The following TBC1D4 variants were observed in gnomAD, a reference collection of about 807,000 sequenced individuals.
TBC1D4 encodes the protein TBC (Tre-2, BUB2, CDC16) domain-containing protein.
A neutral mutation model predicts 142.5 loss-of-function variants in TBC1D4; 121 were observed. That is an observed-to-expected ratio of 0.85 (90% CI 0.73 to 0.99). The LOEUF is 0.99. Ranked by LOEUF, TBC1D4 falls within the 50% of genes least tolerant of loss-of-function variation. The pLI, the probability that TBC1D4 is intolerant of heterozygous loss-of-function variation, is 0.00. For missense variants in TBC1D4, 1,475 were observed against 1,606.6 expected (o/e 0.92, Z 1.40); for synonymous variants, 630 against 628.2 (o/e 1.00, Z -0.04).
intron 7 of TBC1D4, among the ~76,000 whole-genome samples, chr13:75,339,695 C>A (rs1880521210): frequency 6.6e-6 from 1 of 152,100 alleles, no homozygotes; most frequent in African/African-American, 2.4e-5. Flanking sequence ...CCTGCCTCAG[C>A]TTCCTGAGTA....
intron 1 of TBC1D4, among the ~76,000 whole-genome samples, chr13:75,407,951 T>C (rs1263549093): frequency 6.6e-6 from 1 of 152,130 alleles, no homozygotes; most frequent in Admixed American, 6.5e-5. Flanking sequence ...AGCTACCATA[T>C]TTTTAACAGC....
At chr13:75,377,258 T>G (rs1287868410) in intron 1 of TBC1D4, 1 of 152,232 alleles carries the variant, frequency 6.6e-6, no homozygotes, top group African/African-American at 2.4e-5. Flanking sequence ...GAAACATACC[T>G]TTTTATGAAA....
intron 17 of TBC1D4, among the ~76,000 whole-genome samples, chr13:75,297,312 T>A (rs1231879954): frequency 3.3e-5 from 5 of 152,226 alleles, no homozygotes; most frequent in African/African-American, 1.2e-4. Flanking sequence ...CTGATAGCTA[T>A]TATCCTTTTA....
intron 1 of TBC1D4, among the ~76,000 whole-genome samples, chr13:75,382,008 T>G (rs184763988): frequency 6.6e-6 from 1 of 152,282 alleles, no homozygotes; most frequent in East Asian, 1.9e-4. Flanking sequence ...GGAAACCCAT[T>G]GAGGGAGGCT....
intron 18 of TBC1D4, among the ~76,000 whole-genome samples, chr13:75,292,561 G>A (rs567285106): frequency 7.2e-5 from 11 of 152,090 alleles, no homozygotes; most frequent in Middle Eastern, 3.4e-3. Context: ...TGGAGACTAG[G>A]TAAACCTCAA....
chr13:75,458,432 G>A (rs1460034308), intron 1 of TBC1D4, among the ~76,000 whole-genome samples: 1 of 152,162 alleles, frequency 6.6e-6, no homozygotes, highest in Non-Finnish European at 1.5e-5. Context: ...ATGGGCTCGA[G>A]GTAGGGATGT....
At chr13:75,316,863 A>G (rs1223620668) in intron 12 of TBC1D4, among the ~76,000 whole-genome samples, 1 of 152,222 alleles carries the variant, frequency 6.6e-6, no homozygotes, top group Non-Finnish European at 1.5e-5. Flanking sequence ...AAACTTAGGT[A>G]AGAAAGCATA....
intron 1 of TBC1D4, among the ~76,000 whole-genome samples, chr13:75,480,877 G>GCACACA (rs35548574): frequency 0.14 from 17,219 of 124,050 alleles, 1,074 homozygotes; most frequent in African/African-American, 0.15. Flanking sequence ...GCACACGCAC[G>GCACACA]CACACACACA....
At position 75,341,331 on chromosome 13, in the gene TBC1D4, A is replaced by C. The variant is rs1880684053; in HGVS notation, c.1501-96T>G. On this transcript the variant is annotated intron_variant, in intron 6 of 20. Transcript: ENST00000377636. Reference sequence around the variant, plus strand: ...AAACGTAAATAAAGCTAAGAGTTTTAACTTCGCTCAGAAGCAAAAGTAAAA... The same window carrying C: ...AAACGTAAATAAAGCTAAGAGTTTTCACTTCGCTCAGAAGCAAAAGTAAAA... 18 of 1,361,712 alleles carry C rather than the reference A, an allele frequency of 1.3e-5. 1 individual carries two copies. In the South Asian group the frequency reaches 2.1e-4, roughly 16 times the overall value. The allele number at this position is 1,361,712 out of a possible 1,614,324, so 84.4% of individuals were successfully genotyped here. A position where few individuals can be genotyped will look rare whatever the true frequency, so the allele number is the denominator to read the frequency against.
At chr13:75,416,977 T>A (rs1450909968) in intron 1 of TBC1D4, among the ~76,000 whole-genome samples, 1 of 152,200 alleles carries the variant, frequency 6.6e-6, no homozygotes, top group African/African-American at 2.4e-5. Context: ...ACTGTGCAGA[T>A]GCTCAAAGCT....
At position 75,410,561 on chromosome 13, in the gene TBC1D4, T is replaced by A. The variant is rs150321504; in HGVS notation, c.499-47954A>T. ...ACTACATGATGTGCAGGTCTATATTTGGTTATCAAGAAATTAAACACCTGT... is the reference window on the plus strand; with the variant it reads ...ACTACATGATGTGCAGGTCTATATTAGGTTATCAAGAAATTAAACACCTGT... On this transcript the variant is annotated intron_variant, in intron 1 of 20. Coordinates refer to ENST00000377636, the MANE Select transcript of TBC1D4 (RefSeq NM_014832.5). 8.1e-3 allele frequency among the ~76,000 whole-genome samples: 1,236 copies of A among 152,332 alleles called. 23 individuals are homozygous for A. The highest frequency in any genetic ancestry group is 0.025 in the African/African-American group (1,044 of 41,568).
rs982384431 is a variant in TBC1D4 at position 75,346,162 on chromosome 13, G to GT, written c.1408+3007dup. Among the ~76,000 whole-genome samples, 10 of 151,680 alleles carry GT rather than the reference G, an allele frequency of 6.6e-5. 1 individual carries two copies. The East Asian group carries it at 1.9e-3, about 29-fold the overall frequency. ...AAATCTAAAAGTAGATCAAAGTTTT[G>GT]TTTTTTTTATATACTAAGTTTTGGG... On this transcript the variant is annotated intron_variant, in intron 5 of 20. Transcript: ENST00000377636.
At chr13:75,335,975 A>T (rs1183863475) in intron 8 of TBC1D4, among the ~76,000 whole-genome samples, 3 of 152,194 alleles carry the variant, frequency 2.0e-5, no homozygotes, top group Non-Finnish European at 4.4e-5. Context: ...TAAAGTTCTT[A>T]TAGTATTGAG....
At chr13:75,313,030 T>G (rs926510142) in intron 12 of TBC1D4, 132 bp from the exon 13 acceptor site, 52 of 972,768 alleles carry the variant, frequency 5.3e-5, no homozygotes, top group Admixed American at 4.7e-4. Context: ...CATGGAGCAA[T>G]GCATCACCAG....
chr13:75,328,169 A>G (rs1326740353), intron 8 of TBC1D4, among the ~76,000 whole-genome samples: 1 of 152,194 alleles, frequency 6.6e-6, no homozygotes, highest in African/African-American at 2.4e-5. Flanking sequence ...AGCAAAACAA[A>G]CCAGAAAAGC....
rs551053629 is a variant in TBC1D4 at position 75,313,755 on chromosome 13, C to T, written c.2223-857G>A. On this transcript the variant is annotated intron_variant, in intron 12 of 20. Coordinates refer to ENST00000377636, the MANE Select transcript of TBC1D4 (RefSeq NM_014832.5). ...TGTCCAGTCTGGTCTCAAACTCCTGCACTCAAGCAATTCTCCTGTCTCAGC... is the reference window on the plus strand; with the variant it reads ...TGTCCAGTCTGGTCTCAAACTCCTGTACTCAAGCAATTCTCCTGTCTCAGC... 6.4e-4 allele frequency among the ~76,000 whole-genome samples: 98 copies of T among 152,232 alleles called. 1 individual carries two copies. In the South Asian group the frequency reaches 0.018, roughly 27 times the overall value.
At chr13:75,304,054 T>C (rs1876893234) in intron 15 of TBC1D4, among the ~76,000 whole-genome samples, 1 of 152,210 alleles carries the variant, frequency 6.6e-6, no homozygotes, top group East Asian at 1.9e-4. Context: ...TATATTGAAG[T>C]TTTGTCTCTT....
At chr13:75,382,208 T>TG (rs1437995047) in intron 1 of TBC1D4, among the ~76,000 whole-genome samples, 1 of 152,202 alleles carries the variant, frequency 6.6e-6, no homozygotes, top group African/African-American at 2.4e-5. Flanking sequence ...AATCAAAACA[T>TG]GCAGCCTCTC....
chr13:75,417,307 G>C (rs1370075547), intron 1 of TBC1D4, among the ~76,000 whole-genome samples: 1 of 152,086 alleles, frequency 6.6e-6, no homozygotes, highest in Non-Finnish European at 1.5e-5. Context: ...CAGGCTGAAG[G>C]TGTGTGCTGA....
Sources: allele counts gnomAD v4.1 joint callset (sites outside exome capture counted in the v4.1 genomes callset), GRCh38; gene constraint gnomAD v4.1.1; transcripts MANE v1.5; gene names NCBI Gene and HGNC (gene_info 2026-07-23, HGNC 2026-07-21).